The following LNX1 variants were observed in gnomAD, a reference collection of about 807,000 sequenced individuals.
The protein encoded by LNX1 is ligand of numb-protein X 1, also known as E3 ubiquitin-protein ligase LNX.
LNX1 carries 54 observed loss-of-function variants against 68.4 expected under a neutral mutation model. The ratio of observed to expected loss-of-function variants is 0.79; its 90% CI spans 0.63 to 0.99. The LOEUF is 0.99. Ranked by LOEUF, LNX1 falls within the 50% of genes least tolerant of loss-of-function variation. The pLI is 0.00. For missense variants in LNX1, 906 were observed against 926.4 expected (o/e 0.98, Z 0.29); for synonymous variants, 336 against 350.0 (o/e 0.96, Z 0.45).
intron 1 of LNX1, among the ~76,000 whole-genome samples, chr4:53,628,252 A>C (rs114110249): frequency 2.6e-5 from 4 of 152,340 alleles, no homozygotes; most frequent in Non-Finnish European, 4.4e-5. Context: ...TGCATCCAAC[A>C]AAGTATTAGT....
chr4:53,530,397 T>C (rs1560648578), intron 2 of LNX1, among the ~76,000 whole-genome samples: 1 of 152,108 alleles, frequency 6.6e-6, no homozygotes, highest in Admixed American at 6.6e-5. Flanking sequence ...AAATTAAACA[T>C]AAGAAAATTG....
chr4:53,590,252 A>G (rs73250973), intron 1 of LNX1, among the ~76,000 whole-genome samples: 122 of 152,370 alleles, frequency 8.0e-4, no homozygotes, highest in Non-Finnish European at 1.2e-3. Context: ...GTTTCAATTC[A>G]TACCTTGGGA....
At chr4:53,584,162 TG>T (rs1475903286) in intron 1 of LNX1, among the ~76,000 whole-genome samples, 16 of 151,732 alleles carry the variant, frequency 1.1e-4, no homozygotes, top group Admixed American at 7.9e-4. Flanking sequence ...CTGTTGTTGT[TG>T]TTTTTTTTAA....
At chr4:53,566,118 C>T (rs1192457996) in intron 2 of LNX1, among the ~76,000 whole-genome samples, 66 of 141,258 alleles carry the variant, frequency 4.7e-4, no homozygotes, top group South Asian at 1.7e-3. Flanking sequence ...GCAAGGCAGG[C>T]CAACGTTCAG....
intron 2 of LNX1, among the ~76,000 whole-genome samples, chr4:53,565,211 A>C (rs933114059): frequency 3.9e-5 from 6 of 152,068 alleles, no homozygotes; most frequent in Admixed American, 6.5e-5. Context: ...AGACAAACAA[A>C]AAGACAGCAG....
At chr4:53,543,430 T>C (rs1728891378) in intron 2 of LNX1, among the ~76,000 whole-genome samples, 1 of 152,228 alleles carries the variant, frequency 6.6e-6, no homozygotes, top group Non-Finnish European at 1.5e-5. Context: ...GTATTTGTTA[T>C]TAAATTATAC....
upstream of LNX1, among the ~76,000 whole-genome samples, chr4:53,592,560 GGAA>G (rs1174410727): frequency 6.6e-6 from 1 of 152,122 alleles, no homozygotes; most frequent in Non-Finnish European, 1.5e-5. Context: ...TCCCCGTCCC[GGAA>G]GATGGCCTGC....
chr4:53,500,601 A>C (rs1314825954), intron 4 of LNX1: 1 of 152,194 alleles, frequency 6.6e-6, no homozygotes, highest in Non-Finnish European at 1.5e-5. Context: ...ATTATTTCTA[A>C]GTATGTTAGG....
chr4:53,573,580 C>A, intron 2 of LNX1, 43 bp downstream of exon 2: 1 of 1,438,418 alleles, frequency 7.0e-7, no homozygotes, highest in African/African-American at 1.4e-5. Context: ...CCAGCTGTCC[C>A]GCTTGGGGGT....
chr4:53,627,641 G>A (rs1429220394), intron 1 of LNX1, among the ~76,000 whole-genome samples: 1 of 152,160 alleles, frequency 6.6e-6, no homozygotes, highest in African/African-American at 2.4e-5. Flanking sequence ...ATGCACAGAG[G>A]TGAGTAATTT....
intron 6 of LNX1, among the ~76,000 whole-genome samples, chr4:53,494,840 A>T (rs1390911738): frequency 6.6e-6 from 1 of 152,260 alleles, no homozygotes; most frequent in East Asian, 1.9e-4. Flanking sequence ...CTCACAGCTT[A>T]TGAAACGTCG....
intron 1 of LNX1, among the ~76,000 whole-genome samples, chr4:53,588,583 TC>T (rs960967258): frequency 6.6e-6 from 1 of 151,852 alleles, no homozygotes; most frequent in Non-Finnish European, 1.5e-5. Flanking sequence ...CACTACCCAG[TC>T]CCCCCAGTCA....
At chr4:53,582,240 A>G (rs1446528274) in intron 1 of LNX1, among the ~76,000 whole-genome samples, 1 of 152,214 alleles carries the variant, frequency 6.6e-6, no homozygotes, top group Non-Finnish European at 1.5e-5. Flanking sequence ...GTGTGCCACT[A>G]AACTTCACCC....
intron 2 of LNX1, among the ~76,000 whole-genome samples, chr4:53,548,845 T>C (rs1729296331): frequency 6.6e-6 from 1 of 152,166 alleles, no homozygotes; most frequent in South Asian, 2.1e-4. Context: ...TATGCAGCCA[T>C]AAAAAAGAAC....
chr4:53,563,401 T>G (rs1465907646), intron 2 of LNX1, among the ~76,000 whole-genome samples: 1 of 152,184 alleles, frequency 6.6e-6, no homozygotes, highest in Non-Finnish European at 1.5e-5. Flanking sequence ...TTCAAGGGTC[T>G]CCAGAGGTAT....
At chr4:53,478,916 C>T (rs2109411467) in intron 7 of LNX1, among the ~76,000 whole-genome samples, 174 bp from the exon 8 acceptor site, 1 of 152,222 alleles carries the variant, frequency 6.6e-6, no homozygotes, top group South Asian at 2.1e-4. Flanking sequence ...AGAAAGACAC[C>T]TGGAAAGAAC....
chr4:53,546,700 C>G (rs1192955052), intron 2 of LNX1, among the ~76,000 whole-genome samples: 1 of 152,150 alleles, frequency 6.6e-6, no homozygotes, highest in Admixed American at 6.5e-5. Flanking sequence ...ACAGACACCA[C>G]CAGCCAAGCA....
chr4:53,605,904 A>G (rs1021663081), intron 2 of LNX1, among the ~76,000 whole-genome samples: 26 of 152,248 alleles, frequency 1.7e-4, no homozygotes, highest in African/African-American at 6.3e-4. Context: ...AGCAATCACC[A>G]GATATCAGCT....
rs1394163314 is a variant in LNX1, at chr4:53,461,511, C to T, written c.1975G>A (p.Glu659Lys). ...LGFCIVGGYE[E>K]YNGNKPFFIK... ...AAAAAAGGTTTGTTTCCATTGTATT[C>T]TTCATAACCTCCTACAATGCAGAAG... The change falls in exon 10 of 11, where the codon GAA becomes AAA. Residue 659 changes from glutamate to lysine, a missense_variant. Glu to Lys is a moderately conservative substitution (Grantham distance 56). Coordinates refer to ENST00000263925, the MANE Select transcript of LNX1 (RefSeq NM_001126328.3). 1.2e-6 allele frequency: 2 copies of T among 1,611,592 alleles called. No individual in the cohort carries two copies. Among genetic ancestry groups the T allele is most frequent in the Admixed American group, 1.7e-5 (1 of 59,798 alleles).
Sources: gnomAD v4.1 joint callset for allele counts (sites outside exome capture counted in the v4.1 genomes callset) on GRCh38, gnomAD v4.1.1 for gene constraint, MANE v1.5 for transcripts, NCBI Gene and HGNC (gene_info 2026-07-23, HGNC 2026-07-21) for gene names.